Variants in FAM184A observed in about 807,000 individuals in gnomAD.
FAM184A encodes the protein family with sequence similarity 184 member A.
A neutral mutation model predicts 143.8 loss-of-function variants in FAM184A; 99 were observed. The observed-to-expected ratio is 0.69, with a 90% confidence interval of 0.58 to 0.81. The LOEUF is 0.81. Among genes scored for constraint, FAM184A ranks in the 40% least tolerant of loss-of-function variants. The pLI is 0.00. For missense variants in FAM184A, 1,217 were observed against 1,310.5 expected (o/e 0.93, Z 1.10); for synonymous variants, 427 against 446.4 (o/e 0.96, Z 0.55).
chr6:119,057,897 T>C (rs1787056445), intron 1 of FAM184A: 1 of 148,494 alleles, frequency 6.7e-6, no homozygotes, highest in Admixed American at 6.8e-5. Flanking sequence ...CTGATAGTAG[T>C]GGGTTATCAG....
At chr6:118,996,032 A>G (rs1348758424) in intron 9 of FAM184A, among the ~76,000 whole-genome samples, 1 of 152,224 alleles carries the variant, frequency 6.6e-6, no homozygotes, top group African/African-American at 2.4e-5. Flanking sequence ...TACAGATTTC[A>G]TAGTTCCATC....
intron 1 of FAM184A, among the ~76,000 whole-genome samples, chr6:119,107,076 T>C (rs1379314296): frequency 6.6e-6 from 1 of 152,174 alleles, no homozygotes; most frequent in African/African-American, 2.4e-5. Context: ...TATCCTGAAA[T>C]TGTAATATGG....
In FAM184A at chr6:118,980,187, T is replaced by A; in HGVS notation, c.2252A>T (p.His751Leu). ...QQRHKSLKEA[H>L]VLAFQTMEEE... is the part of the protein sequence containing the mutation. ...TTCCATAGTTTGAAATGCAAGGACA[T>A]GTGCTTCTTTTAATGATTTGTGTCT... The change falls in exon 10 of 18, where the codon CAT (histidine) becomes CTT (leucine). Residue 751 changes from histidine (H) to leucine (L), a missense_variant. Transcript: ENST00000338891. 1.2e-6 allele frequency: 2 copies of A among 1,614,214 alleles called. No homozygotes were observed. Among genetic ancestry groups the A allele is most frequent in the Non-Finnish European group, 1.7e-6 (2 of 1,180,014 alleles).
At chr6:119,144,192 G>T (rs1010510924) in intron 1 of FAM184A, among the ~76,000 whole-genome samples, 2 of 149,612 alleles carry the variant, frequency 1.3e-5, no homozygotes, top group African/African-American at 4.9e-5. Flanking sequence ...AAATTAGCCG[G>T]GTGTGGTGGC....
intron 14 of FAM184A, among the ~76,000 whole-genome samples, chr6:118,973,579 G>GAT (rs111459532): frequency 2.6e-4 from 40 of 152,044 alleles, no homozygotes; most frequent in East Asian, 1.7e-3. Context: ...GAAGTATGTG[G>GAT]ATATATATAT....
rs534396020 is a variant in FAM184A, at chr6:119,099,741, A to G, written c.-202+49337T>C. ...GGGGAGCTTTCAGATAGCTTAATAC[A>G]TGGAGCTTCCTGGAGGGGGGCGCAC... On this transcript the variant is annotated intron_variant, in intron 1 of 16. Coordinates refer to the FAM184A transcript ENST00000352896. Among the ~76,000 whole-genome samples, 130 of 152,180 alleles carry G rather than the reference A, an allele frequency of 8.5e-4. 3 individuals carry two copies. Among genetic ancestry groups the G allele is most frequent in the Non-Finnish European group, 1.5e-4 (10 of 68,004 alleles).
chr6:119,010,750 C>T (rs950945430), intron 6 of FAM184A, among the ~76,000 whole-genome samples: 9 of 152,176 alleles, frequency 5.9e-5, no homozygotes, highest in Non-Finnish European at 1.0e-4. Flanking sequence ...TCTCTGTCCT[C>T]AGGTTTGTCA....
rs946019654 is a variant in FAM184A at position 118,974,355 on chromosome 6, C to T, written c.2915+73G>A. On this transcript the variant is annotated intron_variant, in intron 14 of 17. Transcript: ENST00000338891. Reference sequence around the variant, plus strand: ...CTTTTTATTAGAGTCAAAATAACAGCTAATCTGAGGTTAAACACAGTGCTC... The same window carrying T: ...CTTTTTATTAGAGTCAAAATAACAGTTAATCTGAGGTTAAACACAGTGCTC... 4.8e-5 allele frequency: 66 copies of T among 1,376,318 alleles called. No individual in the cohort carries two copies. The African/African-American group carries it at 8.6e-4, about 18-fold the overall frequency. 85.3% of individuals were successfully genotyped at this position (1,376,318 alleles called of 1,614,324 possible). A position where few individuals can be genotyped will look rare whatever the true frequency, so the allele number is the denominator to read the frequency against.
intron 1 of FAM184A, among the ~76,000 whole-genome samples, 176 bp downstream of exon 1, chr6:119,077,965 G>C (rs1434761747): frequency 1.3e-5 from 2 of 152,248 alleles, no homozygotes; most frequent in African/African-American, 4.8e-5. Context: ...TTAAATTCAT[G>C]TTGCCAGCGT....
rs758805223 is a variant in FAM184A, at chr6:119,024,387, G to A, written c.586C>T (p.Arg196Trp). 44 of 1,614,058 alleles carry A rather than the reference G, an allele frequency of 2.7e-5. No homozygotes were observed. The highest frequency in any genetic ancestry group is 2.8e-5 in the Non-Finnish European group (33 of 1,180,010). ...ALEDLQAAHR[R>W]EIQELLKSQQ... Reference sequence around the variant, plus strand: ...GACTTCAATAGCTCTTGTATCTCCCGTCTGTGAGCAGCTTGCAAGTCTTCC... The same window carrying A: ...GACTTCAATAGCTCTTGTATCTCCCATCTGTGAGCAGCTTGCAAGTCTTCC... The change falls in exon 2 of 18, where the codon CGG becomes TGG. Residue 196 changes from arginine (R) to tryptophan (W), a missense_variant. Arg to Trp is a moderately radical substitution (Grantham distance 101). Coordinates refer to ENST00000338891, the MANE Select transcript of FAM184A (RefSeq NM_024581.6).
Position 118,964,637 on chromosome 6 carries a change from T to C in FAM184A, c.3138+30A>G, listed in dbSNP as rs115858136. On this transcript the variant is annotated intron_variant, in intron 16 of 17. Transcript: ENST00000338891. ...ATTTTTAACCAACTTTTAAACCACATTCCTATTCTACAGTGTTTACGGCAC... is the reference window on the plus strand; with the variant it reads ...ATTTTTAACCAACTTTTAAACCACACTCCTATTCTACAGTGTTTACGGCAC... The C allele has an allele frequency of 7.2e-4, 907 of 1,258,068 alleles. 8 individuals are homozygous for C. The highest frequency in any genetic ancestry group is 6.4e-3 in the South Asian group (462 of 72,262). The allele number at this position is 1,258,068 out of a possible 1,614,324, so 77.9% of individuals were successfully genotyped here.
chr6:119,016,491 C>G (rs894234282), intron 5 of FAM184A, among the ~76,000 whole-genome samples: 7 of 152,130 alleles, frequency 4.6e-5, no homozygotes, highest in Non-Finnish European at 7.4e-5. Context: ...AGCTGTAACA[C>G]TCACCGCGAA....
chr6:119,044,688 G>A (rs1390707498), intron 1 of FAM184A, among the ~76,000 whole-genome samples: 1 of 152,038 alleles, frequency 6.6e-6, no homozygotes, highest in East Asian at 1.9e-4. Flanking sequence ...CCAATTACCT[G>A]GGTACTACTG....
chr6:119,067,383 A>T (rs928319691), intron 1 of FAM184A, among the ~76,000 whole-genome samples: 1 of 152,228 alleles, frequency 6.6e-6, no homozygotes, highest in African/African-American at 2.4e-5. Flanking sequence ...AGGAGCTAAG[A>T]AAACAGCAGA....
rs545329312 is a variant in FAM184A at position 119,142,284 on chromosome 6, G to A, written c.-202+6794C>T. ...GGCCGGGAAAGGACGTAATGACCTC[G>A]AAGCCCTGATGGTGTCACTTCCCAA... On this transcript the variant is annotated intron_variant, in intron 1 of 16. Coordinates refer to the FAM184A transcript ENST00000352896. Among the ~76,000 whole-genome samples the A allele has an allele frequency of 5.3e-5, 8 of 152,232 alleles. No homozygotes were observed. The South Asian group carries it at 1.2e-3, about 24-fold the overall frequency.
intron 1 of FAM184A, among the ~76,000 whole-genome samples, chr6:119,089,369 A>AT (rs958557773): frequency 3.1e-4 from 46 of 150,214 alleles, no homozygotes; most frequent in African/African-American, 3.7e-4. Flanking sequence ...ACACCTGGCT[A>AT]TTTTTTTTTG....
chr6:119,072,400 G>A (rs189830253), intron 1 of FAM184A, among the ~76,000 whole-genome samples: 5 of 152,310 alleles, frequency 3.3e-5, no homozygotes, highest in Middle Eastern at 6.8e-3. Context: ...TAGTGCTAAG[G>A]TGAAACACAG....
intron 9 of FAM184A, among the ~76,000 whole-genome samples, chr6:118,990,052 T>C (rs1784326596): frequency 6.6e-6 from 1 of 152,136 alleles, no homozygotes; most frequent in South Asian, 2.1e-4. Context: ...TGGTCTCATC[T>C]TCTGACCTCG....
chr6:119,141,475 C>A, intron 1 of FAM184A, among the ~76,000 whole-genome samples: 1 of 151,640 alleles, frequency 6.6e-6, no homozygotes, highest in Non-Finnish European at 1.5e-5. Flanking sequence ...GCCTGAACTC[C>A]TTTATTTTAT....
Sources: gnomAD v4.1 joint callset for allele counts (sites outside exome capture counted in the v4.1 genomes callset) on GRCh38, gnomAD v4.1.1 for gene constraint, MANE v1.5 for transcripts, NCBI Gene and HGNC (gene_info 2026-07-23, HGNC 2026-07-21) for gene names.